Variants in B3GALT1 observed in about 807,000 individuals in gnomAD.
B3GALT1 encodes the protein beta-1,3-galactosyltransferase 1.
B3GALT1 carries 10 observed loss-of-function variants against 23.2 expected under a neutral mutation model. The ratio of observed to expected loss-of-function variants is 0.43; its 90% CI spans 0.27 to 0.73. B3GALT1 has a LOEUF of 0.73. Ranked by LOEUF, B3GALT1 falls within the 30% of genes least tolerant of loss-of-function variation. The pLI, the probability that B3GALT1 is intolerant of heterozygous loss-of-function variation, is 0.21. For synonymous variants in B3GALT1, 156 were observed against 141.5 expected (o/e 1.10, Z -0.73); for missense variants, 299 against 405.4 (o/e 0.74, Z 2.25).
At chr2:167,448,049 T>C (rs1240678912) in intron 1 of B3GALT1, among the ~76,000 whole-genome samples, 1 of 152,196 alleles carries the variant, frequency 6.6e-6, no homozygotes, top group Non-Finnish European at 1.5e-5. Context: ...GCTGCTTCCA[T>C]GTTTTTGCAA....
At chr2:167,609,870 G>A (rs1425975217) in intron 2 of B3GALT1, among the ~76,000 whole-genome samples, 1 of 152,094 alleles carries the variant, frequency 6.6e-6, no homozygotes, top group Non-Finnish European at 1.5e-5. Context: ...CAAGCAGGAA[G>A]AGAATAAAGA....
intron 1 of B3GALT1, among the ~76,000 whole-genome samples, chr2:167,324,435 C>A (rs571061258): frequency 6.6e-6 from 1 of 152,070 alleles, no homozygotes; most frequent in African/African-American, 2.4e-5. Flanking sequence ...GGCTGATAAT[C>A]ATGAGTAATC....
chr2:167,604,611 C>A (rs1170868375), intron 2 of B3GALT1, among the ~76,000 whole-genome samples: 2 of 152,114 alleles, frequency 1.3e-5, no homozygotes, highest in Non-Finnish European at 2.9e-5. Flanking sequence ...AACTGGAAAT[C>A]TAAAAGGAGT....
At chr2:167,812,031 A>G (rs1374073995) in intron 3 of B3GALT1, among the ~76,000 whole-genome samples, 1 of 152,216 alleles carries the variant, frequency 6.6e-6, no homozygotes, top group East Asian at 1.9e-4. Flanking sequence ...ACAGATAACA[A>G]TATCCATTTC....
intron 2 of B3GALT1, among the ~76,000 whole-genome samples, chr2:167,599,841 A>G (rs78666440): frequency 0.013 from 1,915 of 152,218 alleles, 44 homozygotes; most frequent in African/African-American, 0.043. Context: ...CTGACAGATT[A>G]TTTGTGTGGG....
At position 167,667,512 on chromosome 2, in the gene B3GALT1, G is replaced by A. The variant is rs572109388; in HGVS notation, c.-352+20546G>A. Among the ~76,000 whole-genome samples, 1,099 of 152,172 alleles carry A rather than the reference G, an allele frequency of 7.2e-3. 11 individuals are homozygous for A. Among genetic ancestry groups the A allele is most frequent in the African/African-American group, 0.025 (1,021 of 41,488 alleles). ...AATGTTGGCCTGCCTTGCTAGATTG[G>A]GGAAGTTCTCCTGGATAATATCCTG... On this transcript the variant is annotated intron_variant, in intron 3 of 4. Transcript: ENST00000392690.
chr2:167,445,927 G>C (rs1698980744), intron 1 of B3GALT1, among the ~76,000 whole-genome samples: 1 of 152,128 alleles, frequency 6.6e-6, no homozygotes, highest in African/African-American at 2.4e-5. Flanking sequence ...TGGTTATTTT[G>C]CTTGTTAGTT....
At position 167,605,577 on chromosome 2, in the gene B3GALT1, G is replaced by A. The variant is rs143494359; in HGVS notation, c.-409-41332G>A. On this transcript the variant is annotated intron_variant, in intron 2 of 4. Coordinates refer to ENST00000392690, the MANE Select transcript of B3GALT1 (RefSeq NM_020981.4). ...TGATGGCTGAGTTCAAAAAAGAAGT[G>A]TTCCCAGCATGAGAATGAAAGCTGA... Among the ~76,000 whole-genome samples the A allele has an allele frequency of 3.7e-4, 57 of 152,254 alleles. 2 individuals carry two copies. Among genetic ancestry groups the A allele is most frequent in the African/African-American group, 1.3e-3 (54 of 41,538 alleles).
intron 3 of B3GALT1, among the ~76,000 whole-genome samples, chr2:167,754,050 G>A (rs554434167): frequency 5.3e-5 from 8 of 152,266 alleles, no homozygotes; most frequent in Admixed American, 1.3e-4. Flanking sequence ...AATGGTTACC[G>A]TATTGGCAAT....
intron 2 of B3GALT1, among the ~76,000 whole-genome samples, chr2:167,641,195 T>G (rs529080801): frequency 6.6e-6 from 1 of 152,316 alleles, no homozygotes; most frequent in East Asian, 1.9e-4. Context: ...ATCAGCACTA[T>G]TTTAATAACC....
chr2:167,778,533 C>T (rs1224040428), intron 3 of B3GALT1, among the ~76,000 whole-genome samples: 1 of 152,154 alleles, frequency 6.6e-6, no homozygotes, highest in Non-Finnish European at 1.5e-5. Flanking sequence ...CCTACAATTA[C>T]AACTCCCTCT....
chr2:167,853,381 C>T lies in B3GALT1; in HGVS notation c.-229-15430C>T, dbSNP rs140842295. 3.2e-3 allele frequency among the ~76,000 whole-genome samples: 481 copies of T among 152,146 alleles called. 3 individuals are homozygous for T. Among genetic ancestry groups the T allele is most frequent in the African/African-American group, 0.011 (452 of 41,518 alleles). On this transcript the variant is annotated intron_variant, in intron 4 of 4. Transcript: ENST00000392690. ...CTCTATTTTTTTAATTTGAGAACCA[C>T]GTCAAATATTGTCTCTTCCATGGAT...
chr2:167,714,398 C>T, intron 3 of B3GALT1: 1 of 1,538,950 alleles, frequency 6.5e-7, no homozygotes, highest in South Asian at 1.1e-5. Flanking sequence ...GCTTGGGCTT[C>T]CTCCTCCCCC....
intron 1 of B3GALT1, among the ~76,000 whole-genome samples, chr2:167,313,195 T>C (rs1263749300): frequency 1.3e-5 from 2 of 152,146 alleles, no homozygotes; most frequent in East Asian, 1.9e-4. Context: ...ACTTTTGCCA[T>C]CTTCTGTGGA....
chr2:167,775,586 AAC>A (rs1230541394), intron 3 of B3GALT1, among the ~76,000 whole-genome samples: 2 of 151,614 alleles, frequency 1.3e-5, no homozygotes, highest in Non-Finnish European at 1.5e-5. Flanking sequence ...AAAAAAACAA[AAC>A]ACACACACAC....
At chr2:167,446,621 C>T (rs988337123) in intron 1 of B3GALT1, among the ~76,000 whole-genome samples, 17 of 152,176 alleles carry the variant, frequency 1.1e-4, no homozygotes, top group Middle Eastern at 3.2e-3. Context: ...ATTTGGTCTT[C>T]AGTCACTGAT....
At chr2:167,768,348 G>C (rs1007022562) in intron 3 of B3GALT1, among the ~76,000 whole-genome samples, 2 of 152,186 alleles carry the variant, frequency 1.3e-5, no homozygotes, top group African/African-American at 4.8e-5. Context: ...AGTAGGACTA[G>C]ATTTATTATG....
At chr2:167,382,689 C>A (rs138115013) in intron 1 of B3GALT1, among the ~76,000 whole-genome samples, 1 of 152,124 alleles carries the variant, frequency 6.6e-6, no homozygotes, top group Non-Finnish European at 1.5e-5. Context: ...AGAAACCTAG[C>A]CAAGTTTTCT....
At chr2:167,537,825 C>CTTTTTT (rs530916294) in intron 2 of B3GALT1, among the ~76,000 whole-genome samples, 5 of 132,910 alleles carry the variant, frequency 3.8e-5, no homozygotes, top group South Asian at 4.9e-4. Context: ...GATGCTTGTT[C>CTTTTTT]TTTTTTTTTT....
Sources: allele counts gnomAD v4.1 joint callset (sites outside exome capture counted in the v4.1 genomes callset), GRCh38; gene constraint gnomAD v4.1.1; transcripts MANE v1.5; gene names NCBI Gene and HGNC (gene_info 2026-07-23, HGNC 2026-07-21).